PRSS23: variants seen among roughly 807,000 people sequenced by gnomAD.
The protein encoded by PRSS23 is serine protease 23, also known as protease, serine 23.
In PRSS23, 25 loss-of-function variants were observed where a neutral mutation model predicts 34.7. The ratio of observed to expected loss-of-function variants is 0.72; its 90% CI spans 0.53 to 1.01. The LOEUF is 1.01. Among genes scored for constraint, PRSS23 ranks in the 50% least tolerant of loss-of-function variants. The pLI is 0.00. For synonymous variants in PRSS23, 176 were observed against 186.6 expected, an observed-to-expected ratio of 0.94 and a Z score of 0.46; for missense variants, 445 against 475.6, an observed-to-expected ratio of 0.94 and a Z score of 0.60.
In PRSS23 at chr11:86,810,647, T is replaced by A. The variant is rs115942293; in HGVS notation, c.*1852T>A. 1,245 of 167,062 alleles carry A rather than the reference T, an allele frequency of 7.5e-3. 18 individuals carry two copies. The highest frequency in any genetic ancestry group is 0.028 in the African/African-American group (1,178 of 41,536). The allele number at this position is 167,062 out of a possible 1,614,324, so 10.3% of individuals were successfully genotyped here. A position where few individuals can be genotyped will look rare whatever the true frequency, so the allele number is the denominator to read the frequency against. ...ACACCAAGACCAGAATGGATTTTTT[T>A]AAAAAAATAGATGTTCCTTTTGTGA... On this transcript the variant is annotated 3_prime_UTR_variant, in exon 2 of 2. Coordinates refer to ENST00000280258, the MANE Select transcript of PRSS23 (RefSeq NM_007173.6).
chr11:86,807,716 A>G lies in PRSS23; in HGVS notation c.73A>G (p.Ser25Gly). The change falls in exon 2 of 2, where the codon AGT becomes GGT. Residue 25 changes from serine (S) to glycine (G), a missense_variant. Coordinates refer to ENST00000280258, the MANE Select transcript of PRSS23 (RefSeq NM_007173.6). ...TGCTGTTGGGCAAGTGAGCCCTTAC[A>G]GTGCCCCCTGGAAACCCACTTGGCC... ...LCAVGQVSPY[S>G]APWKPTWPAY... The G allele has an allele frequency of 6.2e-7, 1 of 1,614,048 alleles. No homozygotes were observed. The highest frequency in any genetic ancestry group is 8.5e-7 in the Non-Finnish European group (1 of 1,179,972).
intron 1 of PRSS23, among the ~76,000 whole-genome samples, chr11:86,803,758 A>G (rs1948067425): frequency 6.6e-6 from 1 of 152,126 alleles, no homozygotes. Flanking sequence ...AATTTGTACA[A>G]TAGAGAATAT....
chr11:86,859,989 G>A (rs935573712), intron 2 of PRSS23, among the ~76,000 whole-genome samples: 7 of 151,934 alleles, frequency 4.6e-5, no homozygotes, highest in African/African-American at 9.7e-5. Flanking sequence ...CGCTGGTGGT[G>A]TATACCCAAC....
intron 2 of PRSS23, among the ~76,000 whole-genome samples, chr11:86,882,608 G>A (rs1948778970): frequency 1.3e-5 from 2 of 152,116 alleles, no homozygotes; most frequent in Admixed American, 1.3e-4. Flanking sequence ...GTCATTGACA[G>A]GCATTTAGGT....
intron 2 of PRSS23, chr11:86,947,790 G>A (rs1016645556): frequency 2.0e-5 from 3 of 152,250 alleles, no homozygotes; most frequent in Non-Finnish European, 4.4e-5. Flanking sequence ...ATATGAAGCA[G>A]GAGAAAGGAA....
At chr11:86,817,916 A>G (rs1378999119) in intron 1 of PRSS23, among the ~76,000 whole-genome samples, 5 of 152,238 alleles carry the variant, frequency 3.3e-5, no homozygotes, top group Admixed American at 6.5e-5. Context: ...TGGGATTCAT[A>G]TCTTAGCAGT....
At chr11:86,838,938 C>T (rs1339125140) in intron 2 of PRSS23, among the ~76,000 whole-genome samples, 1 of 151,996 alleles carries the variant, frequency 6.6e-6, no homozygotes, top group African/African-American at 2.4e-5. Flanking sequence ...GCATCAACAT[C>T]AACATCAACA....
rs575744263 is a variant in PRSS23, at chr11:86,854,086, C to T, written c.206+30493C>T. 2.2e-4 allele frequency among the ~76,000 whole-genome samples: 33 copies of T among 152,244 alleles called. 1 individual carries two copies. The highest frequency in any genetic ancestry group is 6.8e-3 in the Middle Eastern group (2 of 294). On this transcript the variant is annotated intron_variant, in intron 2 of 2. Transcript: ENST00000533902. ...CACGATCTCGGCTCACTGCAAGCTCCGCCTCCCGGGTTCAAGCCATTCTCC... is the reference window on the plus strand; with the variant it reads ...CACGATCTCGGCTCACTGCAAGCTCTGCCTCCCGGGTTCAAGCCATTCTCC...
intron 2 of PRSS23, among the ~76,000 whole-genome samples, chr11:86,869,320 A>C (rs778041776): frequency 6.6e-6 from 1 of 152,188 alleles, no homozygotes; most frequent in Non-Finnish European, 1.5e-5. Flanking sequence ...TGATACATGA[A>C]GTTCACAGAA....
At chr11:86,818,078 G>A (rs957108642) in intron 1 of PRSS23, among the ~76,000 whole-genome samples, 1 of 152,156 alleles carries the variant, frequency 6.6e-6, no homozygotes. Context: ...TGATGAAGAG[G>A]CTTAATCGTT....
intron 2 of PRSS23, chr11:86,947,981 G>A (rs910578001): frequency 6.6e-6 from 1 of 152,210 alleles, no homozygotes; most frequent in African/African-American, 2.4e-5. Context: ...AAGTCACATG[G>A]AATACCCCAA....
chr11:86,848,880 G>T (rs1289640792), intron 2 of PRSS23, among the ~76,000 whole-genome samples: 1 of 152,208 alleles, frequency 6.6e-6, no homozygotes, highest in Non-Finnish European at 1.5e-5. Context: ...CAGGCCAATT[G>T]CCTAGTAGGG....
chr11:86,824,005 C>CAAAAAA (rs55884309), intron 2 of PRSS23, among the ~76,000 whole-genome samples: 1 of 30,502 alleles, frequency 3.3e-5, no homozygotes, highest in Admixed American at 5.0e-4. Flanking sequence ...GACTCCGTCT[C>CAAAAAA]AAAAAAAAAA....
chr11:86,863,530 A>T (rs1376642855), intron 2 of PRSS23, among the ~76,000 whole-genome samples: 3 of 152,220 alleles, frequency 2.0e-5, no homozygotes, highest in African/African-American at 7.2e-5. Flanking sequence ...TCCTTGCCTC[A>T]GAACGAGAAC....
intron 1 of PRSS23, among the ~76,000 whole-genome samples, chr11:86,805,106 C>T (rs1948084260): frequency 6.6e-6 from 1 of 152,100 alleles, no homozygotes; most frequent in Non-Finnish European, 1.5e-5. Context: ...GCGTTGAAGC[C>T]CAAGATACAG....
At chr11:86,917,724 C>T (rs531482747) in intron 2 of PRSS23, among the ~76,000 whole-genome samples, 4 of 152,306 alleles carry the variant, frequency 2.6e-5, no homozygotes, top group African/African-American at 9.6e-5. Context: ...ATAGATATTT[C>T]AATGGAGAAA....
intron 2 of PRSS23, among the ~76,000 whole-genome samples, chr11:86,855,404 T>C (rs1948562258): frequency 6.6e-6 from 1 of 152,220 alleles, no homozygotes; most frequent in Non-Finnish European, 1.5e-5. Flanking sequence ...TGTATTTTTG[T>C]ACCCAATTAT....
chr11:86,916,220 GT>G (rs1253383786), intron 2 of PRSS23, among the ~76,000 whole-genome samples: 2 of 151,906 alleles, frequency 1.3e-5, no homozygotes, highest in African/African-American at 4.8e-5. Flanking sequence ...AGAGATTTTG[GT>G]TTTCTTTTTA....
chr11:86,873,371 C>T (rs1948700207), intron 2 of PRSS23, among the ~76,000 whole-genome samples: 1 of 151,478 alleles, frequency 6.6e-6, no homozygotes, highest in African/African-American at 2.4e-5. Flanking sequence ...CAGCTCAATA[C>T]AACTTCTGCC....
Sources: gnomAD v4.1 joint callset for allele counts (sites outside exome capture counted in the v4.1 genomes callset) on GRCh38, gnomAD v4.1.1 for gene constraint, MANE v1.5 for transcripts, NCBI Gene and HGNC (gene_info 2026-07-23, HGNC 2026-07-21) for gene names.